Variants in RBFOX1 observed in about 807,000 individuals in gnomAD.
RBFOX1 encodes RNA binding protein fox-1 homolog 1.
A neutral mutation model predicts 57.7 loss-of-function variants in RBFOX1; 8 were observed. The observed-to-expected ratio is 0.14, with a 90% confidence interval of 0.08 to 0.25. RBFOX1 has a LOEUF of 0.25. Among genes scored for constraint, RBFOX1 ranks in the 10% least tolerant of loss-of-function variants. The pLI, the probability that RBFOX1 is intolerant of heterozygous loss-of-function variation, is 1.00. For missense variants in RBFOX1, 611 were observed against 548.5 expected (o/e 1.11, Z -1.14); for synonymous variants, 326 against 222.4 (o/e 1.47, Z -4.15).
chr16:6,853,168 C>T (rs1260212747), intron 3 of RBFOX1, among the ~76,000 whole-genome samples: 2 of 152,196 alleles, frequency 1.3e-5, no homozygotes, highest in Non-Finnish European at 2.9e-5. Flanking sequence ...CCTGAGTTTC[C>T]TCCTTTGTAA....
intron 3 of RBFOX1, among the ~76,000 whole-genome samples, chr16:6,802,515 T>G (rs2085725459): frequency 6.6e-6 from 1 of 151,982 alleles, no homozygotes; most frequent in Non-Finnish European, 1.5e-5. Flanking sequence ...TGTCTCTACT[T>G]AAAATACAAA....
At chr16:6,557,140 C>T (rs1376993040) in intron 2 of RBFOX1, among the ~76,000 whole-genome samples, 1 of 143,448 alleles carries the variant, frequency 7.0e-6, no homozygotes, top group African/African-American at 2.6e-5. Context: ...TACATATATA[C>T]ATATATACAC....
intron 1 of RBFOX1, among the ~76,000 whole-genome samples, chr16:6,051,532 T>G (rs1421703939): frequency 6.6e-6 from 1 of 152,114 alleles, no homozygotes; most frequent in Non-Finnish European, 1.5e-5. Flanking sequence ...TTTCGCCATG[T>G]TGGCCAGGTT....
At chr16:5,307,792 GC>G (rs2151213423) in intron 1 of RBFOX1, among the ~76,000 whole-genome samples, 1 of 152,216 alleles carries the variant, frequency 6.6e-6, no homozygotes, top group African/African-American at 2.4e-5. Context: ...TCCCACCTCA[GC>G]CCCCTGAGTA....
At chr16:7,052,035 C>T in intron 3 of RBFOX1, 22 bp from the exon 4 acceptor site, 4 of 1,610,406 alleles carry the variant, frequency 2.5e-6, no homozygotes, top group Non-Finnish European at 3.4e-6. Context: ...GACTTTTCCC[C>T]TTCATTTTCT....
intron 4 of RBFOX1, among the ~76,000 whole-genome samples, chr16:5,999,431 G>A (rs2060548153): frequency 6.6e-6 from 1 of 152,138 alleles, no homozygotes; most frequent in South Asian, 2.1e-4. Context: ...ATACTTATTT[G>A]CAGGATCATT....
In RBFOX1 at chr16:6,074,244, G is replaced by A. The variant is rs560270588; in HGVS notation, c.-127+54252G>A. Among the ~76,000 whole-genome samples the A allele has an allele frequency of 6.6e-5, 10 of 152,238 alleles. No homozygotes were observed. The East Asian group carries it at 9.7e-4, about 15-fold the overall frequency. Reference sequence around the variant, plus strand: ...ATTACAGGCATGAGCCACAGCGCCCGGCCATCAAGCTTCTTTCTCTCTCCC... The same window carrying A: ...ATTACAGGCATGAGCCACAGCGCCCAGCCATCAAGCTTCTTTCTCTCTCCC... On this transcript the variant is annotated intron_variant, in intron 1 of 15. Transcript: ENST00000550418.
At position 7,611,604 on chromosome 16, in the gene RBFOX1, T is replaced by C. The variant is rs556682411; in HGVS notation, c.676+4266T>C. ...CAAAAAAAAAAAAAAAGGCAAGTTATTGATTTTTGTATGTAATGTTTTGAC... is the reference window on the plus strand; with the variant it reads ...CAAAAAAAAAAAAAAAGGCAAGTTACTGATTTTTGTATGTAATGTTTTGAC... On this transcript the variant is annotated intron_variant, in intron 10 of 15. Coordinates refer to ENST00000550418, the MANE Select transcript of RBFOX1 (RefSeq NM_018723.4). 1.3e-4 allele frequency among the ~76,000 whole-genome samples: 19 copies of C among 151,484 alleles called. No homozygotes were observed. In the East Asian group the frequency reaches 2.9e-3, roughly 23 times the overall value.
chr16:6,833,801 T>G (rs1011445057), intron 3 of RBFOX1, among the ~76,000 whole-genome samples: 1 of 152,104 alleles, frequency 6.6e-6, no homozygotes, highest in East Asian at 1.9e-4. Context: ...AGCATTGAGG[T>G]TGATGGGTAG....
chr16:6,847,671 G>A (rs943714982), intron 3 of RBFOX1, among the ~76,000 whole-genome samples: 1 of 152,160 alleles, frequency 6.6e-6, no homozygotes, highest in Non-Finnish European at 1.5e-5. Context: ...ATAACTACAA[G>A]AGGCTGATAC....
At chr16:6,711,781 GTT>G (rs1280609927) in intron 3 of RBFOX1, among the ~76,000 whole-genome samples, 9 of 152,078 alleles carry the variant, frequency 5.9e-5, no homozygotes, top group Non-Finnish European at 1.0e-4. Context: ...TCTAGACTTC[GTT>G]TTCTTTCAAG....
chr16:5,474,530 T>C (rs2069251447), intron 2 of RBFOX1, among the ~76,000 whole-genome samples: 2 of 152,100 alleles, frequency 1.3e-5, no homozygotes, highest in Non-Finnish European at 2.9e-5. Flanking sequence ...GGTGGGCACC[T>C]GTAATCCCAG....
intron 13 of RBFOX1, among the ~76,000 whole-genome samples, chr16:7,665,180 C>T (rs576486389): frequency 3.9e-5 from 6 of 152,100 alleles, no homozygotes; most frequent in Non-Finnish European, 8.8e-5. Context: ...GAATTAACCC[C>T]TCGATCAACT....
intron 2 of RBFOX1, among the ~76,000 whole-genome samples, chr16:6,458,331 A>AT (rs1199615098): frequency 6.6e-6 from 1 of 152,174 alleles, no homozygotes; most frequent in Non-Finnish European, 1.5e-5. Context: ...ACTATTTACT[A>AT]TTGGTTTCAC....
At chr16:7,597,133 AC>A (rs2094744572) in intron 8 of RBFOX1, 2 of 339,618 alleles carry the variant, frequency 5.9e-6, no homozygotes, top group Non-Finnish European at 1.1e-5. Context: ...TTTATTAAAC[AC>A]TCTTAATGAT....
chr16:6,903,235 A>G (rs1478752435), intron 3 of RBFOX1, among the ~76,000 whole-genome samples: 1 of 152,142 alleles, frequency 6.6e-6, no homozygotes, highest in Non-Finnish European at 1.5e-5. Flanking sequence ...TGCACAAGCT[A>G]TTTAGAGGCC....
At chr16:7,323,208 GATC>G (rs2096568275) in intron 4 of RBFOX1, among the ~76,000 whole-genome samples, 2 of 152,168 alleles carry the variant, frequency 1.3e-5, no homozygotes, top group Admixed American at 1.3e-4. Flanking sequence ...AGGATCACTT[GATC>G]CCAGGAGTAC....
intron 4 of RBFOX1, chr16:7,304,202 CAGAGAGAGAGACAG>C (rs779203851): frequency 0.023 from 21,642 of 924,070 alleles, 43 homozygotes; most frequent in Non-Finnish European, 0.025. Context: ...GGGAGAGAGA[CAGAGAGAGAGACAG>C]AGAGAGAGAG....
At chr16:7,371,707 G>GTA (rs2097569645) in intron 4 of RBFOX1, among the ~76,000 whole-genome samples, 1 of 152,118 alleles carries the variant, frequency 6.6e-6, no homozygotes, top group Admixed American at 6.5e-5. Context: ...CTGAGATCAC[G>GTA]CCACTGCACT....
Sources: gnomAD v4.1 joint callset for allele counts (sites outside exome capture counted in the v4.1 genomes callset) on GRCh38, gnomAD v4.1.1 for gene constraint, MANE v1.5 for transcripts, NCBI Gene and HGNC (gene_info 2026-07-23, HGNC 2026-07-21) for gene names.